The following CRYBG2 variants were observed in gnomAD, a reference collection of about 807,000 sequenced individuals.
CRYBG2 encodes crystallin beta-gamma domain containing 2, also known as beta/gamma crystallin domain-containing protein 2.
In CRYBG2, 106 loss-of-function variants were observed where a neutral mutation model predicts 153.4. The ratio of observed to expected loss-of-function variants is 0.69; its 90% confidence interval spans 0.59 to 0.81. CRYBG2 has a LOEUF of 0.81. CRYBG2 is among the 30% of genes least tolerant of loss of function. The pLI is 0.00. For missense variants in CRYBG2, 1,996 were observed against 2,112.0 expected, an observed-to-expected ratio of 0.95 and a Z score of 1.08; for synonymous variants, 851 against 877.8, an observed-to-expected ratio of 0.97 and a Z score of 0.54.
intron 1 of CRYBG2, among the ~76,000 whole-genome samples, chr1:26,353,074 G>T (rs2074303246): frequency 6.6e-6 from 1 of 152,096 alleles, no homozygotes; most frequent in African/African-American, 2.4e-5. Flanking sequence ...TTCCAGGCAG[G>T]ATGGAGCAGT....
rs773973919 is a variant in CRYBG2, at chr1:26,339,330, T to C, written c.3304A>G (p.Lys1102Glu). The C allele has an allele frequency of 6.2e-7, 1 of 1,614,164 alleles. No individual in the cohort carries two copies. Among genetic ancestry groups the C allele is most frequent in the Non-Finnish European group, 8.5e-7 (1 of 1,180,016 alleles). Residue 1102 changes from lysine to glutamate, a missense_variant, in exon 6 of 20, where the codon AAG becomes GAG. By Grantham distance (56) the Lys-to-Glu change is moderately conservative. Coordinates refer to ENST00000308182, the MANE Select transcript of CRYBG2 (RefSeq NM_001039775.4). ...EALKNSQGLE[K>E]PLQVASATVS... ...GTGGCAGATGCCACCTGCAGGGGCTTCTCCAGACCCTGGGAATTCTTCAAG... is the reference window on the plus strand; with the variant it reads ...GTGGCAGATGCCACCTGCAGGGGCTCCTCCAGACCCTGGGAATTCTTCAAG...
Position 26,343,390 on chromosome 1 carries a change from A to C in CRYBG2, c.2914-97T>G. On this transcript the variant is annotated intron_variant, in intron 2 of 19. Transcript: ENST00000308182. The surrounding 1 kb of genome is among the most constrained non-coding windows in gnomAD (Gnocchi z 4.1). ...CCAAGGATCCCACATCCTCCCTATTAACCTCCACCCGCAAGGAGCTGGCGC... is the reference window on the plus strand; with the variant it reads ...CCAAGGATCCCACATCCTCCCTATTCACCTCCACCCGCAAGGAGCTGGCGC... 2 of 1,376,362 alleles carry C rather than the reference A, an allele frequency of 1.5e-6. No individual in the cohort carries two copies. The highest frequency in any genetic ancestry group is 2.0e-6 in the Non-Finnish European group (2 of 990,352). 85.3% of individuals were successfully genotyped at this position (1,376,362 alleles called of 1,614,324 possible). A position where few individuals can be genotyped will look rare whatever the true frequency, so the allele number is the denominator to read the frequency against.
chr1:26,342,188 G>A (rs192244193), intron 5 of CRYBG2, among the ~76,000 whole-genome samples: 141 of 152,228 alleles, frequency 9.3e-4, no homozygotes, highest in Non-Finnish European at 1.7e-3. Context: ...CTCCCATCTT[G>A]TCTCTGCTGC....
At position 26,345,787 on chromosome 1, in the gene CRYBG2, G is replaced by T; in HGVS notation, c.871C>A (p.Leu291Met). ...CTGGCTGGGATGCCTGTAGAGGCCA[G>T]GGCAGAGCTGTCTTTAAGCTCTGCT... The part of the protein sequence containing the change: ...GTAELKDSSA[L>M]ASTGIPASAH... Residue 291 changes from leucine to methionine, a missense_variant, in exon 2 of 20, where the codon CTG becomes ATG. Transcript: ENST00000308182. The T allele has an allele frequency of 6.3e-7, 1 of 1,596,710 alleles. No homozygotes were observed. Among genetic ancestry groups the T allele is most frequent in the East Asian group, 2.2e-5 (1 of 44,822 alleles).
intron 15 of CRYBG2, among the ~76,000 whole-genome samples, chr1:26,330,683 C>T (rs1380626391): frequency 2.6e-5 from 4 of 151,778 alleles, no homozygotes; most frequent in African/African-American, 7.3e-5. Flanking sequence ...GGATTACAGA[C>T]GTGCACCACC....
chr1:26,350,221 C>G (rs1481738064), intron 1 of CRYBG2, among the ~76,000 whole-genome samples: 1 of 152,170 alleles, frequency 6.6e-6, no homozygotes, highest in African/African-American at 2.4e-5. Flanking sequence ...GAATCACCAA[C>G]AAGGTTCTTA....
chr1:26,322,343 T>G lies in CRYBG2; in HGVS notation c.4738-20A>C. On this transcript the variant is annotated intron_variant, in intron 18 of 19. Transcript: ENST00000308182. ...GGCCATCTGAGGCCCCAGGAGGTCA[T>G]CAGGCATTGTTCCTCCCCACAGGGA... 1 of 1,603,122 alleles carries G rather than the reference T, an allele frequency of 6.2e-7. No homozygotes were observed. Among genetic ancestry groups the G allele is most frequent in the Non-Finnish European group, 8.5e-7 (1 of 1,174,440 alleles).
chr1:26,336,430 C>T lies in CRYBG2; in HGVS notation c.4039-60G>A, dbSNP rs531693270. ...GTGCCGGCCCCTAGCCTTGTCTTCT[C>T]TAGGTTTCAGTACCGTCCACCCCGC... is the stretch of plus-strand genomic sequence containing the variant. On this transcript the variant is annotated intron_variant, in intron 12 of 19. Coordinates refer to ENST00000308182, the MANE Select transcript of CRYBG2 (RefSeq NM_001039775.4). The surrounding 1 kb of genome is among the most constrained non-coding windows in gnomAD (Gnocchi z 4.9). 2 of 1,597,654 alleles carry T rather than the reference C, an allele frequency of 1.3e-6. No homozygotes were observed. The highest frequency in any genetic ancestry group is 1.7e-5 in the Admixed American group (1 of 57,850).
Position 26,343,000 on chromosome 1 carries a change from C to T in CRYBG2, c.3074+47G>A, listed in dbSNP as rs531382286. ...GGTCACTCCTCACTCCCCTCTGCAT[C>T]CCCCCAGGTTCACAGCCAAGTGCCT... is the stretch of plus-strand genomic sequence containing the variant. On this transcript the variant is annotated intron_variant, in intron 4 of 19. Transcript: ENST00000308182. 107 of 1,533,134 alleles carry T rather than the reference C, an allele frequency of 7.0e-5. 1 individual carries two copies. In the East Asian group the frequency reaches 2.6e-3, roughly 37 times the overall value. The allele number at this position is 1,533,134 out of a possible 1,614,324, so 95.0% of individuals were successfully genotyped here.
chr1:26,328,704 A>G lies in CRYBG2; in HGVS notation c.4454+30T>C, dbSNP rs757730995. Reference sequence around the variant, plus strand: ...CCATGACTCATCCCCACCAGCAGCCACCGCACCCATGCCTCCCCTCAGCAC... The same window carrying G: ...CCATGACTCATCCCCACCAGCAGCCGCCGCACCCATGCCTCCCCTCAGCAC... On this transcript the variant is annotated intron_variant, in intron 16 of 19. Coordinates refer to ENST00000308182, the MANE Select transcript of CRYBG2 (RefSeq NM_001039775.4). The G allele has an allele frequency of 4.4e-6, 7 of 1,599,500 alleles. No homozygotes were observed. In the South Asian group the frequency reaches 7.7e-5, roughly 18 times the overall value.
In CRYBG2 at chr1:26,336,546, C is replaced by T; in HGVS notation, c.4038+60G>A. Reference sequence around the variant, plus strand: ...CCGCTACCTCTGCGTGGGGGCGGGGCGCACCCGAACTCCAGGTCCCGCCAC... The same window carrying T: ...CCGCTACCTCTGCGTGGGGGCGGGGTGCACCCGAACTCCAGGTCCCGCCAC... On this transcript the variant is annotated intron_variant, in intron 12 of 19. Coordinates refer to ENST00000308182, the MANE Select transcript of CRYBG2 (RefSeq NM_001039775.4). The surrounding 1 kb of genome is among the most constrained non-coding windows in gnomAD (Gnocchi z 4.9). 2 of 1,540,168 alleles carry T rather than the reference C, an allele frequency of 1.3e-6. No homozygotes were observed. The highest frequency in any genetic ancestry group is 1.4e-5 in the African/African-American group (1 of 72,396).
rs778787110 is a variant in CRYBG2, at chr1:26,345,688, T to C, written c.970A>G (p.Arg324Gly). The C allele has an allele frequency of 4.4e-6, 7 of 1,598,342 alleles. No individual in the cohort carries two copies. The highest frequency in any genetic ancestry group is 1.7e-5 in the Admixed American group (1 of 59,910). ...DRDQGRAPDA[R>G]ACELWQVLGA... The stretch of plus-strand genomic sequence containing the variant: ...AGCACCTGCCAGAGCTCACAGGCCC[T>C]GGCATCCGGGGCTCTGCCCTGGTCT... Residue 324 changes from arginine (R) to glycine (G), a missense_variant, in exon 2 of 20, where the codon AGG becomes GGG. Coordinates refer to ENST00000308182, the MANE Select transcript of CRYBG2 (RefSeq NM_001039775.4).
intron 1 of CRYBG2, among the ~76,000 whole-genome samples, chr1:26,352,339 C>T (rs1557723894): frequency 6.6e-6 from 1 of 152,126 alleles, no homozygotes; most frequent in South Asian, 2.1e-4. Flanking sequence ...CACAGGCACT[C>T]AGAGCCACAA....
At chr1:26,349,344 T>C (rs556333038) in intron 1 of CRYBG2, among the ~76,000 whole-genome samples, 45 of 151,998 alleles carry the variant, frequency 3.0e-4, no homozygotes, top group East Asian at 5.8e-4. Context: ...GACGCGGCTA[T>C]GAGGTTGTCA....
At chr1:26,347,283 C>CATT (rs2074234056) in intron 1 of CRYBG2, among the ~76,000 whole-genome samples, 1 of 108,120 alleles carries the variant, frequency 9.2e-6, no homozygotes, top group South Asian at 3.1e-4. Context: ...CCTCCCCCTG[C>CATT]GTTTTTTTTT....
chr1:26,328,376 C>T (rs1322577453), intron 16 of CRYBG2, 44 bp from the exon 17 acceptor site: 1 of 1,549,020 alleles, frequency 6.5e-7, no homozygotes, highest in Non-Finnish European at 8.7e-7. Flanking sequence ...AGCACAGACA[C>T]ACAGACAGAC....
chr1:26,341,802 T>TA (rs896295190), intron 5 of CRYBG2, among the ~76,000 whole-genome samples: 33 of 152,176 alleles, frequency 2.2e-4, no homozygotes, highest in Non-Finnish European at 3.7e-4. Context: ...ATTATAATGT[T>TA]AACTTTTCAA....
Position 26,337,321 on chromosome 1 carries a change from C to G in CRYBG2, c.3703G>C (p.Glu1235Gln). The change falls in exon 10 of 20, where the codon GAA becomes CAA. Residue 1235 changes from glutamate (E) to glutamine (Q), a missense_variant. Glu to Gln is a conservative substitution (Grantham distance 29, BLOSUM62 2). Transcript: ENST00000308182. ...CCCCAGTGTGACCAGTCTGGGTATT[C>G]CCCCTCCTCCAGCAGATACTGGTGG... ...RGHQYLLEEG[E>Q]YPDWSHWGGY... 2 of 1,614,074 alleles carry G rather than the reference C, an allele frequency of 1.2e-6. No homozygotes were observed. The highest frequency in any genetic ancestry group is 1.7e-6 in the Non-Finnish European group (2 of 1,179,980).
rs2074209795 is a variant in CRYBG2 at position 26,345,865 on chromosome 1, C to G, written c.793G>C (p.Gly265Arg). The change falls in exon 2 of 20, where the codon GGT (glycine) becomes CGT (arginine). Residue 265 changes from glycine (G) to arginine (R), a missense_variant. Transcript: ENST00000308182. Reference sequence around the variant, plus strand: ...GCTGCCCCCACTGTGCTGCCCAGACCTGTGCTCCTTGGCCCGCCAGCCGTG... The same window carrying G: ...GCTGCCCCCACTGTGCTGCCCAGACGTGTGCTCCTTGGCCCGCCAGCCGTG... ...RPTAGGPRST[G>R]LGSTVGAALR... 6.3e-7 allele frequency: 1 copy of G among 1,597,004 alleles called. No homozygotes were observed. The highest frequency in any genetic ancestry group is 2.2e-5 in the East Asian group (1 of 44,862).
Sources: allele counts gnomAD v4.1 joint callset (sites outside exome capture counted in the v4.1 genomes callset), GRCh38; gene constraint gnomAD v4.1.1; non-coding constraint Gnocchi (gnomAD v3.1); transcripts MANE v1.5; gene names NCBI Gene and HGNC (gene_info 2026-07-23, HGNC 2026-07-21).